CCDC174: variants seen among roughly 807,000 people sequenced by gnomAD.
CCDC174 encodes the protein coiled-coil domain-containing protein 174.
Under a neutral mutation model 57.1 loss-of-function variants are expected in CCDC174, and 37 were observed. The observed-to-expected ratio is 0.65, with a 90% confidence interval of 0.50 to 0.85. The LOEUF (loss-of-function observed/expected upper bound fraction) is 0.85. Among genes scored for constraint, CCDC174 ranks in the 40% least tolerant of loss-of-function variants. The probability of loss-of-function intolerance (pLI) is 0.00; values close to 1 mark genes in which losing one functional copy is unlikely to be tolerated. For synonymous variants in CCDC174, 182 were observed against 190.2 expected, an observed-to-expected ratio of 0.96 and a Z score of 0.35; for missense variants, 540 against 574.3, an observed-to-expected ratio of 0.94 and a Z score of 0.61.
chr3:14,666,742 G>T (rs928459981), intron 6 of CCDC174, 63 bp from the exon 7 acceptor site: 1 of 1,337,612 alleles, frequency 7.5e-7, no homozygotes. Flanking sequence ...GCAACTGACT[G>T]TACTTAAACA....
In CCDC174 at chr3:14,666,788, C is replaced by T. The variant is rs368563387; in HGVS notation, c.582-17C>T. The T allele has an allele frequency of 9.6e-6, 15 of 1,564,074 alleles. No individual in the cohort carries two copies. Among genetic ancestry groups the T allele is most frequent in the Non-Finnish European group, 1.3e-5 (15 of 1,162,392 alleles). On this transcript the variant is annotated splice_polypyrimidine_tract_variant and intron_variant, in intron 6 of 10. Transcript: ENST00000383794. Reference sequence around the variant, plus strand: ...AATCCTTATCTGAAGATAGTTTTTGCTCTGTTTTCCTGCTAGTTTTATTAG... The same window carrying T: ...AATCCTTATCTGAAGATAGTTTTTGTTCTGTTTTCCTGCTAGTTTTATTAG...
intron 6 of CCDC174, among the ~76,000 whole-genome samples, chr3:14,666,338 G>C (rs748751486): frequency 3.9e-5 from 6 of 152,066 alleles, no homozygotes; most frequent in African/African-American, 7.2e-5. Context: ...AAGGGTGAAG[G>C]CTGGCCGGGC....
intron 1 of CCDC174, 56 bp downstream of exon 1, chr3:14,651,934 G>A: frequency 6.4e-7 from 1 of 1,555,406 alleles, no homozygotes; most frequent in Non-Finnish European, 8.9e-7. Flanking sequence ...GTCTCCATCA[G>A]ACAAGAATGT....
In CCDC174 at chr3:14,665,040, G is replaced by A; in HGVS notation, c.498G>A (p.Val166=). 6.2e-7 allele frequency: 1 copy of A among 1,613,548 alleles called. No individual in the cohort carries two copies. The highest frequency in any genetic ancestry group is 8.5e-7 in the Non-Finnish European group (1 of 1,179,562). The change falls in exon 6 of 11, where the codon GTG becomes GTA. Residue 166 remains valine (V), a synonymous_variant. Coordinates refer to ENST00000383794, the MANE Select transcript of CCDC174 (RefSeq NM_016474.5). The part of the protein sequence containing the change: ...QDPSEEWVDY[V]DSLGRSRRCM... ...GCTTTCATTTCAGGGTGGATTACGT[G>A]GACTCTTTGGGGCGTTCCCGGCGCT...
Position 14,671,054 on chromosome 3 carries a change from G to C in CCDC174, c.1264G>C (p.Gly422Arg). 6.2e-7 allele frequency: 1 copy of C among 1,614,112 alleles called. No individual in the cohort carries two copies. Among genetic ancestry groups the C allele is most frequent in the East Asian group, 2.2e-5 (1 of 44,870 alleles). ...ACCTGGGCCAGCACAGAGTGACCCA[G>C]GGCAGTGCCCTGACCAGAGCCACGG... ...SRPGPAQSDP[G>R]QCPDQSHGPS... Residue 422 changes from glycine to arginine, a missense_variant, in exon 11 of 11, where the codon GGG becomes CGG. Transcript: ENST00000383794.
intron 6 of CCDC174, 63 bp downstream of exon 6, chr3:14,665,186 G>A: frequency 9.2e-7 from 1 of 1,082,414 alleles, no homozygotes; most frequent in Non-Finnish European, 1.4e-6. Context: ...GGATTGTTTT[G>A]TGAGGGGAGG....
chr3:14,663,361 A>C (rs80060292), intron 5 of CCDC174, among the ~76,000 whole-genome samples: 1 of 152,192 alleles, frequency 6.6e-6, no homozygotes, highest in African/African-American at 2.4e-5. Context: ...GGTAGCACTT[A>C]ATATACTTCC....
chr3:14,666,916 G>A lies in CCDC174; in HGVS notation c.693G>A (p.Gly231=). The stretch of plus-strand genomic sequence containing the variant: ...GAGAGGCCCTGAAGAGGCCCATGGG[G>A]CCCGTACATTATGAAGACATTCGGG... ...EEREALKRPM[G]PVHYEDIREN... Residue 231 remains glycine (G), a synonymous_variant, in exon 7 of 11, where the codon GGG becomes GGA. Coordinates refer to ENST00000383794, the MANE Select transcript of CCDC174 (RefSeq NM_016474.5). 9 of 1,590,250 alleles carry A rather than the reference G, an allele frequency of 5.7e-6. No individual in the cohort carries two copies. The highest frequency in any genetic ancestry group is 7.7e-6 in the Non-Finnish European group (9 of 1,173,672).
At chr3:14,652,136 G>T (rs2030790892) in intron 1 of CCDC174, among the ~76,000 whole-genome samples, 1 of 152,128 alleles carries the variant, frequency 6.6e-6, no homozygotes, top group Admixed American at 6.5e-5. Flanking sequence ...CTGGTGTCCC[G>T]TGGGTTAGGA....
intron 5 of CCDC174, among the ~76,000 whole-genome samples, chr3:14,662,849 C>T (rs986263970): frequency 6.6e-6 from 1 of 152,200 alleles, no homozygotes; most frequent in African/African-American, 2.4e-5. Flanking sequence ...CTTCATTCTA[C>T]TGAGGGTGTC....
intron 4 of CCDC174, among the ~76,000 whole-genome samples, chr3:14,660,316 C>A (rs2031088313): frequency 6.6e-6 from 1 of 152,152 alleles, no homozygotes; most frequent in Non-Finnish European, 1.5e-5. Context: ...CCAGCCCAGC[C>A]AACATGGCGA....
rs377547319 is a variant in CCDC174 at position 14,669,965 on chromosome 3, G to T, written c.984G>T (p.Glu328Asp). 6.2e-7 allele frequency: 1 copy of T among 1,613,864 alleles called. No homozygotes were observed. Residue 328 changes from glutamate to aspartate, a missense_variant, in exon 10 of 11, where the codon GAG becomes GAT. Transcript: ENST00000383794. ...DGDVIGPLPP[E>D]PEAVPTPRPA... ...ATGTTATTGGGCCTTTGCCACCGGA[G>T]CCAGAGGCTGTGCCAACCCCACGTC...
intron 6 of CCDC174, among the ~76,000 whole-genome samples, chr3:14,665,348 C>G (rs1458177226): frequency 6.6e-6 from 1 of 152,202 alleles, no homozygotes; most frequent in Non-Finnish European, 1.5e-5. Flanking sequence ...AGAGCTGTCT[C>G]TTTTACTTGG....
rs2031356724 is a variant in CCDC174, at chr3:14,666,817, T to C, written c.594T>C (p.Pro198=). The stretch of plus-strand genomic sequence containing the variant: ...GTTTTCCTGCTAGTTTTATTAGTCC[T>C]GCTAATGAAAAAACCCTATTATCTG... ...KNLQGRLFIS[P]ANEKTLLSED... The change falls in exon 7 of 11, where the codon CCT becomes CCC. Residue 198 remains proline, a synonymous_variant. Transcript: ENST00000383794. 1.9e-6 allele frequency: 3 copies of C among 1,580,610 alleles called. No homozygotes were observed. The highest frequency in any genetic ancestry group is 2.6e-6 in the Non-Finnish European group (3 of 1,171,388).
At position 14,651,779 on chromosome 3, in the gene CCDC174, A is replaced by G. The variant is rs369531679; in HGVS notation, c.-58A>G. ...TTCCGGTTGCGACGGAGGTAGGCTTACGAGGCCTGTGTCGGGTAGAAAGGG... is the reference window on the plus strand; with the variant it reads ...TTCCGGTTGCGACGGAGGTAGGCTTGCGAGGCCTGTGTCGGGTAGAAAGGG... On this transcript the variant is annotated 5_prime_UTR_variant, in exon 1 of 11. Coordinates refer to ENST00000383794, the MANE Select transcript of CCDC174 (RefSeq NM_016474.5). 2 of 1,582,186 alleles carry G rather than the reference A, an allele frequency of 1.3e-6. No homozygotes were observed. Among genetic ancestry groups the G allele is most frequent in the African/African-American group, 2.7e-5 (2 of 74,276 alleles).
chr3:14,653,076 G>A (rs770871464), intron 1 of CCDC174, among the ~76,000 whole-genome samples: 2 of 152,164 alleles, frequency 1.3e-5, no homozygotes, highest in South Asian at 4.2e-4. Flanking sequence ...AAAACATATA[G>A]GTGTCCCAAT....
In CCDC174 at chr3:14,671,785, C is replaced by T. The variant is rs1354309147; in HGVS notation, c.*591C>T. 2.6e-5 allele frequency: 4 copies of T among 152,906 alleles called. No individual in the cohort carries two copies. The highest frequency in any genetic ancestry group is 2.1e-4 in the South Asian group (1 of 4,850). The allele number at this position is 152,906 out of a possible 1,614,324, so 9.5% of individuals were successfully genotyped here. A position where few individuals can be genotyped will look rare whatever the true frequency, so the allele number is the denominator to read the frequency against. On this transcript the variant is annotated 3_prime_UTR_variant, in exon 11 of 11. Transcript: ENST00000383794. ...TTGTTTACTTAATTTTACTGTCATACCATGCTATTACCTACACTCCTGTGT... is the reference window on the plus strand; with the variant it reads ...TTGTTTACTTAATTTTACTGTCATATCATGCTATTACCTACACTCCTGTGT...
At position 14,658,854 on chromosome 3, in the gene CCDC174, T is replaced by C. The variant is rs762098571; in HGVS notation, c.249-17T>C. 1 of 1,542,666 alleles carries C rather than the reference T, an allele frequency of 6.5e-7. No individual in the cohort carries two copies. Among genetic ancestry groups the C allele is most frequent in the Non-Finnish European group, 8.8e-7 (1 of 1,130,382 alleles). On this transcript the variant is annotated splice_polypyrimidine_tract_variant and intron_variant, in intron 3 of 10. Coordinates refer to ENST00000383794, the MANE Select transcript of CCDC174 (RefSeq NM_016474.5). ...GTTATAAGACCATTTCTAATACTTG[T>C]ATTTTTTTTCTCCTAGGGAAAAATT...
In CCDC174 at chr3:14,651,992, C is replaced by T. The variant is rs1007250196; in HGVS notation, c.42+114C>T. ...CGGGGACCCAGAGACCTGACCTCTCCCCTCAAACAGGAACCCCCGAACTGG... is the reference window on the plus strand; with the variant it reads ...CGGGGACCCAGAGACCTGACCTCTCTCCTCAAACAGGAACCCCCGAACTGG... On this transcript the variant is annotated intron_variant, in intron 1 of 10. Coordinates refer to ENST00000383794, the MANE Select transcript of CCDC174 (RefSeq NM_016474.5). 3 of 1,029,196 alleles carry T rather than the reference C, an allele frequency of 2.9e-6. No individual in the cohort carries two copies. In the South Asian group the frequency reaches 4.1e-5, roughly 14 times the overall value. 63.8% of individuals were successfully genotyped at this position (1,029,196 alleles called of 1,614,324 possible).
Sources: gnomAD v4.1 joint callset for allele counts (sites outside exome capture counted in the v4.1 genomes callset) on GRCh38, gnomAD v4.1.1 for gene constraint, MANE v1.5 for transcripts, NCBI Gene and HGNC (gene_info 2026-07-23, HGNC 2026-07-21) for gene names.